KDM4C: variants seen among roughly 807,000 people sequenced by gnomAD.
KDM4C encodes lysine-specific demethylase 4C.
In KDM4C, 81 loss-of-function variants were observed where a neutral mutation model predicts 129.3. The ratio of observed to expected loss-of-function variants is 0.63; its 90% CI spans 0.52 to 0.75. The LOEUF is 0.75. Among genes scored for constraint, KDM4C ranks in the 30% least tolerant of loss-of-function variants. The pLI is 0.00. For missense variants in KDM4C, 1,457 were observed against 1,304.0 expected (o/e 1.12, Z -1.81); for synonymous variants, 573 against 456.1 (o/e 1.26, Z -3.26).
intron 8 of KDM4C, among the ~76,000 whole-genome samples, chr9:6,900,829 GGGA>G (rs1176964273): frequency 6.6e-6 from 1 of 152,126 alleles, no homozygotes; most frequent in Non-Finnish European, 1.5e-5. Flanking sequence ...AGTGTGTGTG[GGGA>G]AGTTCTGAGG....
chr9:6,853,354 T>C (rs1839197324), intron 5 of KDM4C, among the ~76,000 whole-genome samples: 1 of 151,740 alleles, frequency 6.6e-6, no homozygotes, highest in South Asian at 2.1e-4. Context: ...TAGCCGGTCA[T>C]AGTGGCTCAC....
chr9:6,841,224 G>C (rs1836856097), intron 4 of KDM4C, among the ~76,000 whole-genome samples: 1 of 151,794 alleles, frequency 6.6e-6, no homozygotes, highest in East Asian at 1.9e-4. Flanking sequence ...GGTCATTATT[G>C]GCCCAGTTTG....
intron 17 of KDM4C, among the ~76,000 whole-genome samples, chr9:7,056,429 A>G (rs1158264246): frequency 6.6e-6 from 1 of 152,184 alleles, no homozygotes; most frequent in Non-Finnish European, 1.5e-5. Context: ...ATCCTATTGC[A>G]AGCTGTCAAA....
At chr9:6,831,377 A>AT (rs545226248) in intron 4 of KDM4C, among the ~76,000 whole-genome samples, 1 of 150,704 alleles carries the variant, frequency 6.6e-6, no homozygotes, top group Non-Finnish European at 1.5e-5. Context: ...ATTTTTATTT[A>AT]TTTTTTTTGA....
At chr9:6,799,028 C>T in intron 2 of KDM4C, among the ~76,000 whole-genome samples, 1 of 151,254 alleles carries the variant, frequency 6.6e-6, no homozygotes, top group East Asian at 1.9e-4. Context: ...AGAGGCGCTC[C>T]TCACTTCCTA....
At chr9:6,822,272 C>T (rs953113852) in intron 4 of KDM4C, among the ~76,000 whole-genome samples, 3 of 152,170 alleles carry the variant, frequency 2.0e-5, no homozygotes, top group Non-Finnish European at 2.9e-5. Context: ...CCTTCAAAGC[C>T]TAATATATTT....
At chr9:6,943,383 A>T (rs1826307353) in intron 8 of KDM4C, among the ~76,000 whole-genome samples, 1 of 152,182 alleles carries the variant, frequency 6.6e-6, no homozygotes, top group East Asian at 1.9e-4. Context: ...CAAACTTCGC[A>T]TTTCTCTTTG....
intron 2 of KDM4C, among the ~76,000 whole-genome samples, chr9:6,801,616 A>G (rs1828987817): frequency 6.8e-6 from 1 of 147,382 alleles, no homozygotes; most frequent in African/African-American, 2.6e-5. Flanking sequence ...TTGTGCAGAT[A>G]TGCTCTCTCT....
At chr9:6,997,415 C>G (rs114567476) in intron 12 of KDM4C, among the ~76,000 whole-genome samples, 13 of 152,274 alleles carry the variant, frequency 8.5e-5, no homozygotes, top group African/African-American at 2.9e-4. Flanking sequence ...AACAAGAGAG[C>G]TTGCTTGCCT....
At chr9:7,159,097 G>T (rs1289267758) in intron 19 of KDM4C, among the ~76,000 whole-genome samples, 1 of 152,096 alleles carries the variant, frequency 6.6e-6, no homozygotes, top group Admixed American at 6.5e-5. Context: ...TTATGTAATG[G>T]CCTTCTTTGT....
At chr9:6,989,797 C>G (rs1818396884) in intron 11 of KDM4C, among the ~76,000 whole-genome samples, 1 of 152,096 alleles carries the variant, frequency 6.6e-6, no homozygotes, top group East Asian at 1.9e-4. Flanking sequence ...TTTTTGGCGA[C>G]AGGGTCTTGC....
intron 1 of KDM4C, among the ~76,000 whole-genome samples, chr9:6,779,078 G>T (rs1381067185): frequency 7.0e-6 from 1 of 142,140 alleles, no homozygotes; most frequent in Admixed American, 7.4e-5. Context: ...GCCCAGGCTG[G>T]AGTGCAGTGG....
intron 19 of KDM4C, among the ~76,000 whole-genome samples, chr9:7,143,589 C>T (rs1170851594): frequency 1.3e-5 from 2 of 152,176 alleles, no homozygotes; most frequent in Non-Finnish European, 2.9e-5. Flanking sequence ...TTGGATAAAT[C>T]TAACAATGGT....
chr9:7,111,246 A>G (rs1242459245), intron 18 of KDM4C, among the ~76,000 whole-genome samples: 1 of 152,202 alleles, frequency 6.6e-6, no homozygotes, highest in Non-Finnish European at 1.5e-5. Flanking sequence ...TAGGTTGAGC[A>G]TCCAAATCCA....
At chr9:6,969,378 T>C (rs1831545821) in intron 8 of KDM4C, among the ~76,000 whole-genome samples, 1 of 152,126 alleles carries the variant, frequency 6.6e-6, no homozygotes, top group Non-Finnish European at 1.5e-5. Flanking sequence ...TAAACAGCAA[T>C]CTAAAAATCA....
chr9:7,151,572 G>A (rs896182029), intron 19 of KDM4C, among the ~76,000 whole-genome samples: 25 of 152,298 alleles, frequency 1.6e-4, no homozygotes, highest in Middle Eastern at 3.4e-3. Flanking sequence ...CTATTTGGGA[G>A]GCTGAGGTGG....
chr9:6,791,656 G>C (rs1183655891), intron 1 of KDM4C, among the ~76,000 whole-genome samples: 1 of 152,212 alleles, frequency 6.6e-6, no homozygotes, highest in Non-Finnish European at 1.5e-5. Flanking sequence ...GTACAGGTAC[G>C]TATGTGAGTG....
At chr9:7,060,568 G>A (rs1346701636) in intron 17 of KDM4C, among the ~76,000 whole-genome samples, 4 of 151,296 alleles carry the variant, frequency 2.6e-5, no homozygotes, top group African/African-American at 7.3e-5. Context: ...TGCAACCTCC[G>A]CGTCCCGGGT....
chr9:6,779,688 A>T (rs1455919337), intron 1 of KDM4C, among the ~76,000 whole-genome samples: 1 of 152,216 alleles, frequency 6.6e-6, no homozygotes, highest in African/African-American at 2.4e-5. Flanking sequence ...CTCTAACACC[A>T]GTCAATATCA....
Sources: gnomAD v4.1 joint callset for allele counts (sites outside exome capture counted in the v4.1 genomes callset) on GRCh38, gnomAD v4.1.1 for gene constraint, MANE v1.5 for transcripts, NCBI Gene and HGNC (gene_info 2026-07-23, HGNC 2026-07-21) for gene names.